CEP128: variants seen among roughly 807,000 people sequenced by gnomAD.
CEP128 encodes centrosomal protein 128kDa.
Under a neutral mutation model 156.7 loss-of-function variants are expected in CEP128, and 132 were observed. That is an observed-to-expected ratio of 0.84 (90% CI 0.73 to 0.97). CEP128 has a LOEUF of 0.97. CEP128 is among the 50% of genes least tolerant of loss of function. CEP128 has a pLI of 0.00. For synonymous variants in CEP128, 469 were observed against 448.9 expected (o/e 1.04, Z -0.57); for missense variants, 1,252 against 1,281.9 (o/e 0.98, Z 0.36).
At chr14:80,729,058 G>GGGGGTGTGTGTGT (rs1898141728) in intron 19 of CEP128, among the ~76,000 whole-genome samples, 4 of 105,056 alleles carry the variant, frequency 3.8e-5, no homozygotes, top group African/African-American at 2.0e-4. Context: ...GGCTGGTGGG[G>GGGGGTGTGTGTGT]GTGTGTGTGT....
chr14:80,858,634 C>T (rs866761279), intron 9 of CEP128, among the ~76,000 whole-genome samples: 6,660 of 145,770 alleles, frequency 0.046, 157 homozygotes, highest in Middle Eastern at 0.066. Context: ...AGAAAATTTT[C>T]GCAACCTACT....
intron 8 of CEP128, among the ~76,000 whole-genome samples, chr14:80,891,829 T>G (rs568710951): frequency 6.6e-6 from 1 of 151,708 alleles, no homozygotes; most frequent in Non-Finnish European, 1.5e-5. Flanking sequence ...TTTTAAAAAT[T>G]AAAAAACAGC....
chr14:80,808,501 C>T (rs1014197064), intron 13 of CEP128, among the ~76,000 whole-genome samples: 4 of 152,076 alleles, frequency 2.6e-5, no homozygotes, highest in African/African-American at 7.2e-5. Context: ...TCACTCATAC[C>T]GCAGCACCTG....
At position 80,920,895 on chromosome 14, in the gene CEP128, C is replaced by T. The variant is rs74064710; in HGVS notation, c.-15-4333G>A. On this transcript the variant is annotated intron_variant, in intron 2 of 24. Transcript: ENST00000555265. The stretch of plus-strand genomic sequence containing the variant: ...TAATAAGTATCAAGAAGAGCTTATA[C>T]CTTTGCCCTGGTAATTACATTTCCA... Among the ~76,000 whole-genome samples, 712 of 152,200 alleles carry T rather than the reference C, an allele frequency of 4.7e-3. 4 individuals are homozygous for T. The highest frequency in any genetic ancestry group is 0.015 in the African/African-American group (620 of 41,522).
chr14:80,563,693 C>G (rs1161185412), intron 20 of CEP128, among the ~76,000 whole-genome samples: 1 of 151,850 alleles, frequency 6.6e-6, no homozygotes, highest in Non-Finnish European at 1.5e-5. Context: ...TGCCACCACA[C>G]CCAGCTAATT....
At chr14:80,527,120 T>A (rs1205284825) in intron 22 of CEP128, 138 bp from the exon 23 acceptor site, 1 of 566,452 alleles carries the variant, frequency 1.8e-6, no homozygotes, top group Admixed American at 3.1e-5. Flanking sequence ...TATAGGAGAA[T>A]CACAGGCCAC....
intron 21 of CEP128, among the ~76,000 whole-genome samples, chr14:80,542,885 G>A (rs145028269): frequency 2.4e-4 from 36 of 152,236 alleles, no homozygotes; most frequent in Non-Finnish European, 3.7e-4. Flanking sequence ...ATTTAAAAGC[G>A]CCTTGGTGAG....
At chr14:80,541,627 A>G (rs1248403618) in intron 21 of CEP128, among the ~76,000 whole-genome samples, 1 of 152,136 alleles carries the variant, frequency 6.6e-6, no homozygotes, top group Non-Finnish European at 1.5e-5. Flanking sequence ...TTAAAAAAAA[A>G]AATCTCACAA....
intron 16 of CEP128, among the ~76,000 whole-genome samples, chr14:80,771,398 C>T (rs1020804996): frequency 3.3e-5 from 5 of 152,256 alleles, no homozygotes; most frequent in South Asian, 4.1e-4. Context: ...CAGTTTCTAC[C>T]ATCTGTAGAA....
At chr14:80,683,297 CAA>C (rs1042992280) in intron 19 of CEP128, among the ~76,000 whole-genome samples, 2 of 151,950 alleles carry the variant, frequency 1.3e-5, no homozygotes, top group African/African-American at 4.8e-5. Flanking sequence ...AAATGGAAAA[CAA>C]AAGAGAGCAG....
At chr14:80,673,058 G>C (rs1895907917) in intron 19 of CEP128, among the ~76,000 whole-genome samples, 1 of 152,140 alleles carries the variant, frequency 6.6e-6, no homozygotes, top group Non-Finnish European at 1.5e-5. Flanking sequence ...TTTATGTATA[G>C]TAAGACCTAT....
intron 16 of CEP128, among the ~76,000 whole-genome samples, chr14:80,763,986 T>C (rs1224644035): frequency 6.6e-6 from 1 of 152,198 alleles, no homozygotes; most frequent in Non-Finnish European, 1.5e-5. Context: ...TGCCCATATT[T>C]TACATCTAAG....
chr14:80,664,244 A>C (rs142237491), intron 19 of CEP128, among the ~76,000 whole-genome samples: 2 of 152,274 alleles, frequency 1.3e-5, no homozygotes, highest in East Asian at 3.9e-4. Context: ...AAAAGAAAAG[A>C]AGGCCTCAAG....
At chr14:80,619,367 G>GACACACAC (rs34190837) in intron 19 of CEP128, among the ~76,000 whole-genome samples, 5,609 of 139,388 alleles carry the variant, frequency 0.04, 239 homozygotes, top group African/African-American at 0.1. Flanking sequence ...AAGACACACA[G>GACACACAC]ACACACACAC....
At chr14:80,576,778 T>A (rs978883290) in intron 20 of CEP128, among the ~76,000 whole-genome samples, 1 of 152,076 alleles carries the variant, frequency 6.6e-6, no homozygotes, top group Non-Finnish European at 1.5e-5. Context: ...TGGGTGGATC[T>A]TGAGGAGACC....
At chr14:80,813,038 T>C (rs1884651224) in intron 13 of CEP128, among the ~76,000 whole-genome samples, 1 of 152,236 alleles carries the variant, frequency 6.6e-6, no homozygotes, top group African/African-American at 2.4e-5. Flanking sequence ...TGTCTTTTCA[T>C]GTCCTTTGCG....
chr14:80,728,950 G>A (rs1002127023), intron 19 of CEP128, among the ~76,000 whole-genome samples: 14 of 152,078 alleles, frequency 9.2e-5, no homozygotes, highest in Middle Eastern at 6.8e-3. Context: ...GCAGGTTCAC[G>A]CTGAGCCCTT....
chr14:80,671,835 A>C (rs1895853886), intron 19 of CEP128, among the ~76,000 whole-genome samples: 1 of 149,248 alleles, frequency 6.7e-6, no homozygotes, highest in South Asian at 2.1e-4. Context: ...TATATATAGT[A>C]AACTGTTTTC....
intron 19 of CEP128, among the ~76,000 whole-genome samples, chr14:80,647,862 A>C (rs762196246): frequency 3.3e-5 from 5 of 152,138 alleles, no homozygotes; most frequent in Non-Finnish European, 7.4e-5. Context: ...GCATTAACAC[A>C]ATGCAGTTCT....
Sources: gnomAD v4.1 joint callset for allele counts (sites outside exome capture counted in the v4.1 genomes callset) on GRCh38, gnomAD v4.1.1 for gene constraint, MANE v1.5 for transcripts, NCBI Gene and HGNC (gene_info 2026-07-23, HGNC 2026-07-21) for gene names.